Variants in SFMBT1 observed in about 807,000 individuals in gnomAD.
The protein encoded by SFMBT1 is scm-like with four MBT domains protein 1.
Under a neutral mutation model 108.7 loss-of-function variants are expected in SFMBT1, and 32 were observed. That is an observed-to-expected ratio of 0.29 (90% CI 0.22 to 0.40). SFMBT1 has a LOEUF of 0.40. SFMBT1 is among the 10% of genes least tolerant of loss of function. The pLI is 1.00. For missense variants in SFMBT1, 816 were observed against 1,059.6 expected, an observed-to-expected ratio of 0.77 and a Z score of 3.19; for synonymous variants, 348 against 369.5, an observed-to-expected ratio of 0.94 and a Z score of 0.67.
In SFMBT1 at chr3:52,966,375, C is replaced by T. The variant is rs377093326; in HGVS notation, c.28+2726G>A. ...GCGCGGTGGCTCACGCCTGTAATCC[C>T]AGAACTTTGGGAGGCCGAGACAGGT... is the stretch of plus-strand genomic sequence containing the variant. On this transcript the variant is annotated intron_variant, in intron 2 of 20. Transcript: ENST00000394752. Among the ~76,000 whole-genome samples, 112 of 150,078 alleles carry T rather than the reference C, an allele frequency of 7.5e-4. 2 individuals are homozygous for T. The South Asian group carries it at 0.023, about 31-fold the overall frequency.
chr3:52,921,873 A>C, intron 10 of SFMBT1, 42 bp from the exon 11 acceptor site: 1 of 1,605,750 alleles, frequency 6.2e-7, no homozygotes, highest in Non-Finnish European at 8.5e-7. Context: ...GGATTAACAC[A>C]GTATTAACTC....
intron 1 of SFMBT1, among the ~76,000 whole-genome samples, chr3:53,038,499 C>T (rs1461810340): frequency 2.0e-5 from 3 of 152,122 alleles, no homozygotes; most frequent in African/African-American, 7.2e-5. Flanking sequence ...GGCCTCCCCC[C>T]GGTAACAAAC....
intron 8 of SFMBT1, among the ~76,000 whole-genome samples, chr3:52,929,258 AGACGGAGTTTC>A: frequency 1.3e-5 from 2 of 151,988 alleles, no homozygotes; most frequent in East Asian, 3.9e-4. Flanking sequence ...ATTTATTTAG[AGACGGAGTTTC>A]GCTCTTGTTG....
chr3:52,973,067 T>C (rs1229152278), intron 1 of SFMBT1, among the ~76,000 whole-genome samples: 3 of 151,878 alleles, frequency 2.0e-5, no homozygotes, highest in Non-Finnish European at 4.4e-5. Flanking sequence ...TAAGTACTTA[T>C]AAGGCTGGGC....
intron 1 of SFMBT1, among the ~76,000 whole-genome samples, chr3:52,992,605 T>A (rs1427007338): frequency 1.3e-5 from 2 of 152,210 alleles, no homozygotes; most frequent in East Asian, 3.8e-4. Flanking sequence ...GTAATCAGTC[T>A]TAATGGAACA....
intron 1 of SFMBT1, among the ~76,000 whole-genome samples, chr3:53,019,392 G>A: frequency 6.7e-6 from 1 of 150,246 alleles, no homozygotes; most frequent in East Asian, 2.0e-4. Context: ...TGTGTGGGGG[G>A]GGTATATGTG....
At chr3:53,040,601 C>T (rs1466446198) in intron 1 of SFMBT1, among the ~76,000 whole-genome samples, 1 of 150,562 alleles carries the variant, frequency 6.6e-6, no homozygotes, top group Non-Finnish European at 1.5e-5. Flanking sequence ...AAAAAAGAAC[C>T]AATGCACCAG....
intron 1 of SFMBT1, among the ~76,000 whole-genome samples, chr3:53,013,782 C>T (rs1699036411): frequency 6.6e-6 from 1 of 151,524 alleles, no homozygotes; most frequent in South Asian, 2.1e-4. Context: ...GCGCCCACCA[C>T]CACACCCAGC....
intron 8 of SFMBT1, among the ~76,000 whole-genome samples, chr3:52,928,813 C>G (rs1702768906): frequency 6.6e-6 from 1 of 151,542 alleles, no homozygotes; most frequent in Non-Finnish European, 1.5e-5. Flanking sequence ...AGTTGATCCT[C>G]CCACTTCAGT....
intron 1 of SFMBT1, among the ~76,000 whole-genome samples, chr3:53,039,317 G>A (rs1352736563): frequency 2.6e-5 from 4 of 152,124 alleles, no homozygotes; most frequent in African/African-American, 9.7e-5. Flanking sequence ...GCTACAACAT[G>A]GATGAACCTT....
chr3:52,989,383 G>A (rs1311841126), intron 1 of SFMBT1, among the ~76,000 whole-genome samples: 1 of 147,044 alleles, frequency 6.8e-6, no homozygotes, highest in African/African-American at 2.5e-5. Context: ...CTTGCAGTGA[G>A]CTCAGATTGT....
chr3:52,953,134 C>T (rs1419854183), intron 3 of SFMBT1, among the ~76,000 whole-genome samples: 1 of 152,214 alleles, frequency 6.6e-6, no homozygotes, highest in Non-Finnish European at 1.5e-5. Flanking sequence ...ATTAATTATT[C>T]TGTGTGTTTT....
chr3:53,005,309 G>C (rs1253872541), intron 1 of SFMBT1, among the ~76,000 whole-genome samples: 1 of 152,128 alleles, frequency 6.6e-6, no homozygotes. Context: ...AAGCCATGTG[G>C]GTTTTTTTGT....
rs565110016 is a variant in SFMBT1, at chr3:52,925,382, T to C, written c.1131+649A>G. ...AAGGTAATAAAAAATAATTAAATGC[T>C]CATTTATCATAATTTAGAACCAACA... On this transcript the variant is annotated intron_variant, in intron 10 of 20. Coordinates refer to ENST00000394752, the MANE Select transcript of SFMBT1 (RefSeq NM_016329.4). Among the ~76,000 whole-genome samples, 10 of 152,332 alleles carry C rather than the reference T, an allele frequency of 6.6e-5. No homozygotes were observed. The East Asian group carries it at 1.9e-3, about 29-fold the overall frequency.
At chr3:52,939,707 T>C (rs1703123637) in intron 4 of SFMBT1, among the ~76,000 whole-genome samples, 1 of 152,228 alleles carries the variant, frequency 6.6e-6, no homozygotes, top group African/African-American at 2.4e-5. Flanking sequence ...GTATAAGGTG[T>C]TTCTCAAGTC....
chr3:52,958,195 C>A lies in SFMBT1; in HGVS notation c.29-3784G>T, dbSNP rs114432756. On this transcript the variant is annotated intron_variant, in intron 2 of 20. Transcript: ENST00000394752. ...CAAAAGAAGACATTTATGTGGGCAACAAACATAAAAAAAAGCTCAACATCA... is the reference window on the plus strand; with the variant it reads ...CAAAAGAAGACATTTATGTGGGCAAAAAACATAAAAAAAAGCTCAACATCA... Among the ~76,000 whole-genome samples, 1,372 of 152,178 alleles carry A rather than the reference C, an allele frequency of 9.0e-3. 17 individuals carry two copies. The highest frequency in any genetic ancestry group is 0.031 in the African/African-American group (1,281 of 41,504).
At chr3:52,998,348 C>T (rs1359135320) in intron 1 of SFMBT1, among the ~76,000 whole-genome samples, 2 of 149,946 alleles carry the variant, frequency 1.3e-5, no homozygotes, top group Non-Finnish European at 1.5e-5. Context: ...GCCGAGATCG[C>T]GCCACTGCAC....
intron 10 of SFMBT1, among the ~76,000 whole-genome samples, chr3:52,925,761 C>A (rs1702640486): frequency 6.6e-6 from 1 of 152,088 alleles, no homozygotes; most frequent in African/African-American, 2.4e-5. Flanking sequence ...ATTATTGAAC[C>A]ATGAAAAATA....
intron 1 of SFMBT1, among the ~76,000 whole-genome samples, chr3:53,010,698 TGAGA>T (rs1474954758): frequency 6.6e-6 from 1 of 152,212 alleles, no homozygotes; most frequent in Non-Finnish European, 1.5e-5. Flanking sequence ...AGTACCTGAC[TGAGA>T]AAGTGACAAA....
Sources: gnomAD v4.1 joint callset for allele counts (sites outside exome capture counted in the v4.1 genomes callset) on GRCh38, gnomAD v4.1.1 for gene constraint, MANE v1.5 for transcripts, NCBI Gene and HGNC (gene_info 2026-07-23, HGNC 2026-07-21) for gene names.